Variants in MYO5B observed in about 807,000 individuals in gnomAD.
MYO5B encodes the protein myosin VB.
Under a neutral mutation model 229.3 loss-of-function variants are expected in MYO5B, and 143 were observed. That is an observed-to-expected ratio of 0.62 (90% confidence interval 0.54 to 0.72). The LOEUF (loss-of-function observed/expected upper bound fraction) is 0.72. Ranked by LOEUF, MYO5B falls within the 30% of genes least tolerant of loss-of-function variation. The pLI is 0.00. For missense variants in MYO5B, 2,321 were observed against 2,331.0 expected, an observed-to-expected ratio of 1.00 and a Z score of 0.09; for synonymous variants, 918 against 885.2, an observed-to-expected ratio of 1.04 and a Z score of -0.66.
chr18:50,057,313 AC>A (rs2030574023), intron 1 of MYO5B, among the ~76,000 whole-genome samples: 1 of 151,550 alleles, frequency 6.6e-6, no homozygotes, highest in African/African-American at 2.4e-5. Flanking sequence ...CACTCCTGGG[AC>A]TCCCCCTTCA....
intron 18 of MYO5B, among the ~76,000 whole-genome samples, chr18:49,910,281 C>G (rs1461279016): frequency 6.6e-6 from 1 of 152,110 alleles, no homozygotes; most frequent in Non-Finnish European, 1.5e-5. Context: ...CTCCAGAGTT[C>G]CCTCTTTGGG....
chr18:49,856,892 T>C lies in MYO5B; in HGVS notation c.3945-2A>G, dbSNP rs1441587199. ...AAATATCCCCAATCCTCAGTCTTGC[T>C]AGAAACAAAGGACAGAAAAACAGGG... On this transcript the variant is annotated splice_acceptor_variant, in intron 29 of 39. Coordinates refer to ENST00000285039, the MANE Select transcript of MYO5B (RefSeq NM_001080467.3). LOFTEE classifies it high-confidence loss of function. 2 of 1,613,578 alleles carry C rather than the reference T, an allele frequency of 1.2e-6. No individual in the cohort carries two copies. The highest frequency in any genetic ancestry group is 4.5e-5 in the East Asian group (2 of 44,892).
chr18:49,908,432 C>T (rs2024923957), intron 18 of MYO5B, among the ~76,000 whole-genome samples: 1 of 152,224 alleles, frequency 6.6e-6, no homozygotes, highest in Admixed American at 6.5e-5. Context: ...CAAGCCACTC[C>T]TTTTACTTCA....
At chr18:49,945,012 C>T (rs2025355738) in intron 14 of MYO5B, among the ~76,000 whole-genome samples, 1 of 152,218 alleles carries the variant, frequency 6.6e-6, no homozygotes, top group Non-Finnish European at 1.5e-5. Context: ...GGCCTCTGTG[C>T]CACTGGCCCA....
At chr18:50,173,536 T>A (rs1599076917) in intron 1 of MYO5B, among the ~76,000 whole-genome samples, 1 of 151,420 alleles carries the variant, frequency 6.6e-6, no homozygotes, top group Admixed American at 6.6e-5. Flanking sequence ...ATGAAGGGAG[T>A]CAGTTGGAAA....
intron 2 of MYO5B, 136 bp downstream of exon 2, chr18:50,055,132 A>G: frequency 3.0e-6 from 2 of 676,246 alleles, no homozygotes; most frequent in Admixed American, 4.7e-5. Flanking sequence ...AGCAACAAGA[A>G]AGAATCCAAG....
rs369377048 is a variant in MYO5B, at chr18:49,992,352, C to A, written c.692G>T (p.Arg231Met). 1 of 1,614,158 alleles carries A rather than the reference C, an allele frequency of 6.2e-7. No individual in the cohort carries two copies. The highest frequency in any genetic ancestry group is 8.5e-7 in the Non-Finnish European group (1 of 1,180,030). ...GKYIQIGFDK[R>M]YHIIGANMRT... Reference sequence around the variant, plus strand: ...CATGTTGGCCCCGATGATGTGGTACCTTTTGTCAAAGCCAATCTGGATGTA... The same window carrying A: ...CATGTTGGCCCCGATGATGTGGTACATTTTGTCAAAGCCAATCTGGATGTA... The change falls in exon 6 of 40, where the codon AGG (arginine) becomes ATG (methionine). Residue 231 changes from arginine (R) to methionine (M), a missense_variant. Transcript: ENST00000285039.
At chr18:49,974,208 C>G in intron 10 of MYO5B, 142 bp downstream of exon 10, 2 of 1,218,514 alleles carry the variant, frequency 1.6e-6, no homozygotes, top group Admixed American at 3.7e-5. Flanking sequence ...GTCAACTAAT[C>G]AACTAAAAAT....
chr18:50,153,762 T>C (rs1599062097), intron 1 of MYO5B, among the ~76,000 whole-genome samples: 1 of 152,146 alleles, frequency 6.6e-6, no homozygotes, highest in East Asian at 1.9e-4. Flanking sequence ...ACTTTCTTTA[T>C]GGAAATAAAA....
At chr18:50,136,128 A>G (rs1416108922) in intron 1 of MYO5B, among the ~76,000 whole-genome samples, 1 of 152,144 alleles carries the variant, frequency 6.6e-6, no homozygotes, top group African/African-American at 2.4e-5. Context: ...GTGGCCTCAC[A>G]TGGCCGGCTA....
chr18:50,014,824 A>G (rs1598954030), intron 4 of MYO5B, among the ~76,000 whole-genome samples: 1 of 152,202 alleles, frequency 6.6e-6, no homozygotes. Flanking sequence ...TTTTTACCGC[A>G]CAGCTCCCTT....
intron 4 of MYO5B, among the ~76,000 whole-genome samples, chr18:50,031,982 C>A (rs527306720): frequency 6.6e-6 from 1 of 152,200 alleles, no homozygotes; most frequent in Admixed American, 6.5e-5. Context: ...GGTTAACCCA[C>A]GGTTTCCCAA....
chr18:49,855,244 C>T (rs1231980295), intron 30 of MYO5B, among the ~76,000 whole-genome samples: 1 of 152,196 alleles, frequency 6.6e-6, no homozygotes, highest in Non-Finnish European at 1.5e-5. Context: ...TCTTATTCTC[C>T]AGGTGGACTG....
intron 22 of MYO5B, among the ~76,000 whole-genome samples, chr18:49,893,090 C>G (rs773029715): frequency 6.6e-6 from 1 of 152,160 alleles, no homozygotes; most frequent in Non-Finnish European, 1.5e-5. Flanking sequence ...TATGCACTCC[C>G]TTTGATGGAG....
At chr18:50,028,399 A>G (rs1433489688) in intron 4 of MYO5B, among the ~76,000 whole-genome samples, 1 of 152,200 alleles carries the variant, frequency 6.6e-6, no homozygotes, top group East Asian at 1.9e-4. Context: ...TCCAGCGACC[A>G]TCAACATCAG....
chr18:49,905,720 C>G (rs2024891423), intron 19 of MYO5B, among the ~76,000 whole-genome samples: 1 of 152,120 alleles, frequency 6.6e-6, no homozygotes, highest in Admixed American at 6.5e-5. Flanking sequence ...GGCCTGGGCT[C>G]AAAACCTAAC....
chr18:50,151,044 C>G (rs1219788849), intron 1 of MYO5B, among the ~76,000 whole-genome samples: 2 of 152,208 alleles, frequency 1.3e-5, no homozygotes, highest in African/African-American at 2.4e-5. Flanking sequence ...AGGAGCCTTC[C>G]TCTGTCCTCC....
At chr18:50,058,051 A>G (rs1289879495) in intron 1 of MYO5B, among the ~76,000 whole-genome samples, 1 of 152,240 alleles carries the variant, frequency 6.6e-6, no homozygotes, top group Non-Finnish European at 1.5e-5. Context: ...GGATATTCAC[A>G]TAACATGAAA....
intron 32 of MYO5B, among the ~76,000 whole-genome samples, chr18:49,847,892 G>A (rs923942167): frequency 2.6e-5 from 4 of 152,224 alleles, no homozygotes; most frequent in African/African-American, 9.6e-5. Context: ...CTAAATGCAG[G>A]TTCAGGTTTA....
Sources: allele counts gnomAD v4.1 joint callset (sites outside exome capture counted in the v4.1 genomes callset), GRCh38; gene constraint gnomAD v4.1.1; transcripts MANE v1.5; gene names NCBI Gene and HGNC (gene_info 2026-07-23, HGNC 2026-07-21).